MAML3: variants seen among roughly 807,000 people sequenced by gnomAD.
MAML3 encodes mastermind like transcriptional coactivator 3, also known as mastermind-like protein 3.
In MAML3, 27 loss-of-function variants were observed where a neutral mutation model predicts 101.9. The ratio of observed to expected loss-of-function variants is 0.27; its 90% CI spans 0.20 to 0.37. MAML3 has a LOEUF of 0.37. Among genes scored for constraint, MAML3 ranks in the 10% least tolerant of loss-of-function variants. The pLI, the probability that MAML3 is intolerant of heterozygous loss-of-function variation, is 1.00. For synonymous variants in MAML3, 501 were observed against 555.9 expected (o/e 0.90, Z 1.39); for missense variants, 1,316 against 1,444.9 (o/e 0.91, Z 1.45).
intron 2 of MAML3, among the ~76,000 whole-genome samples, chr4:139,762,412 T>C (rs544810948): frequency 6.6e-6 from 1 of 152,300 alleles, no homozygotes; most frequent in African/African-American, 2.4e-5. Context: ...TTCATTTGCA[T>C]TTCTTTTTCT....
intron 2 of MAML3, among the ~76,000 whole-genome samples, chr4:139,767,118 T>C (rs1461724025): frequency 6.6e-6 from 1 of 152,208 alleles, no homozygotes; most frequent in Non-Finnish European, 1.5e-5. Context: ...AAATAAAACA[T>C]GAGCACCACA....
intron 3 of MAML3, chr4:139,730,193 G>A: frequency 1.7e-6 from 1 of 586,552 alleles, no homozygotes; most frequent in East Asian, 2.8e-5. Context: ...CCTTCAAATT[G>A]ATGGCTGGAG....
In MAML3 at chr4:139,717,805, A is replaced by T. The variant is rs1038272995; in HGVS notation, c.*1518T>A. The T allele has an allele frequency of 6.6e-6, 1 of 152,358 alleles. No individual in the cohort carries two copies. Among genetic ancestry groups the T allele is most frequent in the Non-Finnish European group, 1.5e-5 (1 of 68,188 alleles). The allele number at this position is 152,358 out of a possible 1,614,324, so 9.4% of individuals were successfully genotyped here. ...GCACACGCCACTCTCACTTAGGACGACACCGAAGCCACAAGTCCTCCAAAA... is the reference window on the plus strand; with the variant it reads ...GCACACGCCACTCTCACTTAGGACGTCACCGAAGCCACAAGTCCTCCAAAA... On this transcript the variant is annotated 3_prime_UTR_variant, in exon 5 of 5. Coordinates refer to ENST00000509479, the MANE Select transcript of MAML3 (RefSeq NM_018717.5).
Position 139,983,656 on chromosome 4 carries a change from G to A in MAML3, c.469-92689C>T, listed in dbSNP as rs1447311234. On this transcript the variant is annotated intron_variant, in intron 1 of 4. Transcript: ENST00000509479. ...CACTCAAAAAGTTTCAGATAGTGGA[G>A]CATTTCAGATTTCAGATTTTTGGAT... Among the ~76,000 whole-genome samples the A allele has an allele frequency of 5.9e-5, 9 of 152,188 alleles. No homozygotes were observed. In the South Asian group the frequency reaches 6.2e-4, roughly 11 times the overall value.
chr4:139,850,501 C>T (rs1731528825), intron 2 of MAML3, among the ~76,000 whole-genome samples: 1 of 152,114 alleles, frequency 6.6e-6, no homozygotes. Context: ...TTGTTATCAA[C>T]ACCTAGCACT....
chr4:140,082,057 ACACT>A (rs1345742180), intron 1 of MAML3, among the ~76,000 whole-genome samples: 1 of 152,180 alleles, frequency 6.6e-6, no homozygotes, highest in Non-Finnish European at 1.5e-5. Context: ...CATAAAACAC[ACACT>A]CAGTCTTTTC....
At chr4:140,076,045 AG>A (rs1727760137) in intron 1 of MAML3, among the ~76,000 whole-genome samples, 1 of 151,150 alleles carries the variant, frequency 6.6e-6, no homozygotes, top group Middle Eastern at 3.2e-3. Flanking sequence ...TACAGGCGTG[AG>A]CCACCACACC....
chr4:139,881,725 G>A (rs554594125), intron 2 of MAML3, among the ~76,000 whole-genome samples: 5 of 152,216 alleles, frequency 3.3e-5, no homozygotes, highest in South Asian at 4.1e-4. Flanking sequence ...TTATTGAAAC[G>A]GAGTCTCACT....
intron 1 of MAML3, among the ~76,000 whole-genome samples, chr4:140,036,340 C>T (rs1207338469): frequency 5.9e-5 from 9 of 152,136 alleles, no homozygotes; most frequent in South Asian, 2.1e-4. Context: ...GCAAGACCTC[C>T]GTCACCCAGC....
At chr4:140,089,241 T>C (rs1296920959) in intron 1 of MAML3, among the ~76,000 whole-genome samples, 1 of 152,180 alleles carries the variant, frequency 6.6e-6, no homozygotes, top group East Asian at 1.9e-4. Flanking sequence ...GTCCTAAAAA[T>C]ATAATCCTTC....
At chr4:139,858,698 T>A (rs1731712114) in intron 2 of MAML3, among the ~76,000 whole-genome samples, 1 of 152,168 alleles carries the variant, frequency 6.6e-6, no homozygotes, top group African/African-American at 2.4e-5. Flanking sequence ...TTTGGGTTCC[T>A]CTCAAGCAGT....
chr4:139,989,880 CACAGAGAG>C (rs1401949133), intron 1 of MAML3, among the ~76,000 whole-genome samples: 53 of 58,162 alleles, frequency 9.1e-4, no homozygotes, highest in African/African-American at 4.1e-3. Flanking sequence ...CACACACACA[CACAGAGAG>C]AGAGAGAGAG....
intron 1 of MAML3, among the ~76,000 whole-genome samples, chr4:140,053,499 C>T (rs1489333701): frequency 6.6e-6 from 1 of 152,166 alleles, no homozygotes; most frequent in African/African-American, 2.4e-5. Flanking sequence ...CTTTGAGATA[C>T]CTTAACTTAA....
intron 1 of MAML3, among the ~76,000 whole-genome samples, chr4:140,019,827 C>A (rs551268432): frequency 4.6e-5 from 7 of 152,106 alleles, no homozygotes; most frequent in African/African-American, 1.7e-4. Context: ...TAAAAGGGTG[C>A]CTTTAATACA....
chr4:140,111,048 A>T (rs1192636239), intron 1 of MAML3, among the ~76,000 whole-genome samples: 1 of 152,226 alleles, frequency 6.6e-6, no homozygotes, highest in Non-Finnish European at 1.5e-5. Context: ...AATCCTAAAA[A>T]CCACAGCCAT....
At chr4:139,865,930 G>A (rs751893376) in intron 2 of MAML3, among the ~76,000 whole-genome samples, 25 of 152,172 alleles carry the variant, frequency 1.6e-4, no homozygotes, top group Non-Finnish European at 2.5e-4. Context: ...TCCCAGGTCC[G>A]TCTTCTGGAA....
At chr4:140,067,726 C>CTTTTTT (rs34853196) in intron 1 of MAML3, among the ~76,000 whole-genome samples, 3 of 131,380 alleles carry the variant, frequency 2.3e-5, no homozygotes, top group Non-Finnish European at 3.2e-5. Flanking sequence ...CAATCTTAAT[C>CTTTTTT]TTTTTTTTTT....
At chr4:139,928,140 A>G (rs989235414) in intron 1 of MAML3, among the ~76,000 whole-genome samples, 4 of 152,226 alleles carry the variant, frequency 2.6e-5, no homozygotes, top group African/African-American at 7.2e-5. Context: ...CCAACATCAC[A>G]GGGTTCATGC....
intron 1 of MAML3, among the ~76,000 whole-genome samples, chr4:139,968,638 C>T (rs1343800189): frequency 1.3e-5 from 2 of 152,056 alleles, no homozygotes; most frequent in African/African-American, 4.8e-5. Context: ...TTCTGTTAGG[C>T]CCATTTTACA....
Sources: allele counts gnomAD v4.1 joint callset (sites outside exome capture counted in the v4.1 genomes callset), GRCh38; gene constraint gnomAD v4.1.1; transcripts MANE v1.5; gene names NCBI Gene and HGNC (gene_info 2026-07-23, HGNC 2026-07-21).